The following FANCI variants were observed in gnomAD, a reference collection of about 807,000 sequenced individuals.
FANCI encodes the protein FA complementation group I.
FANCI carries 156 observed loss-of-function variants against 176.1 expected under a neutral mutation model. The ratio of observed to expected loss-of-function variants is 0.89; its 90% confidence interval spans 0.78 to 1.01. FANCI has a LOEUF of 1.01. Ranked by LOEUF, FANCI falls within the 50% of genes least tolerant of loss-of-function variation. The pLI is 0.00. For synonymous variants in FANCI, 613 were observed against 541.7 expected (o/e 1.13, Z -1.83); for missense variants, 1,678 against 1,534.1 (o/e 1.09, Z -1.57).
At chr15:89,297,102 G>A (rs1489435203) in intron 24 of FANCI, among the ~76,000 whole-genome samples, 1 of 143,260 alleles carries the variant, frequency 7.0e-6, no homozygotes, top group Non-Finnish European at 1.5e-5. Flanking sequence ...CGGGCGGAGG[G>A]GCTCCTCACT....
chr15:89,256,962 A>C (rs778564389), intron 2 of FANCI, among the ~76,000 whole-genome samples: 1 of 152,126 alleles, frequency 6.6e-6, no homozygotes, highest in African/African-American at 2.4e-5. Flanking sequence ...GCTAGAGTGC[A>C]GGGGCGTGAG....
intron 22 of FANCI, among the ~76,000 whole-genome samples, chr15:89,293,530 T>C (rs927980649): frequency 6.6e-6 from 1 of 152,102 alleles, no homozygotes; most frequent in African/African-American, 2.4e-5. Flanking sequence ...CTACTAATAA[T>C]GTAAAACTTA....
At chr15:89,275,665 T>C (rs2053382679) in intron 12 of FANCI, among the ~76,000 whole-genome samples, 1 of 152,230 alleles carries the variant, frequency 6.6e-6, no homozygotes. Context: ...AGGTTTATAC[T>C]TGTGTCTCCA....
In FANCI at chr15:89,299,924, C is replaced by T. The variant is rs1303324683; in HGVS notation, c.2761C>T (p.Gln921Ter). Residue 921 changes from glutamine to a stop codon, truncating the protein, a stop_gained, in exon 25 of 38, where the codon CAG becomes TAG. Coordinates refer to ENST00000310775, the MANE Select transcript of FANCI (RefSeq NM_001113378.2). LOFTEE classifies it high-confidence loss of function. ...GLQKIFSAVQ[Q>*]FYQPKIQQFL... ...ACAGAAAATATTCAGTGCTGTGCAA[C>T]AGTTCTATCAGCCCAAGATTCAGCA... 3 of 1,613,956 alleles carry T rather than the reference C, an allele frequency of 1.9e-6. No homozygotes were observed. Among genetic ancestry groups the T allele is most frequent in the Non-Finnish European group, 1.7e-6 (2 of 1,179,992 alleles).
At chr15:89,250,265 T>C (rs907280138) in intron 2 of FANCI, among the ~76,000 whole-genome samples, 2 of 152,110 alleles carry the variant, frequency 1.3e-5, no homozygotes, top group Admixed American at 1.3e-4. Context: ...TGCGGCACTA[T>C]TCACAATAGC....
Position 89,293,953 on chromosome 15 carries a change from T to G in FANCI, c.2412T>G (p.Leu804=). Residue 804 remains leucine (L), a synonymous_variant, in exon 23 of 38, where the codon CTT becomes CTG. Transcript: ENST00000310775. ...TKMANKTSDS[L]LSMKFVSSLL... ...TGGCCAACAAGACAAGTGATAGTCTTTTGTCCATGAAATTTGTGTCCAGTC... is the reference window on the plus strand; with the variant it reads ...TGGCCAACAAGACAAGTGATAGTCTGTTGTCCATGAAATTTGTGTCCAGTC... The G allele has an allele frequency of 6.2e-7, 1 of 1,614,132 alleles. No individual in the cohort carries two copies. Among genetic ancestry groups the G allele is most frequent in the Non-Finnish European group, 8.5e-7 (1 of 1,180,010 alleles).
intron 31 of FANCI, 55 bp downstream of exon 31, chr15:89,305,753 A>T: frequency 1.9e-6 from 3 of 1,555,734 alleles, no homozygotes; most frequent in Non-Finnish European, 1.8e-6. Flanking sequence ...GTCAAAATTC[A>T]TATTGGGTCG....
intron 10 of FANCI, among the ~76,000 whole-genome samples, chr15:89,272,955 C>A (rs1267427323): frequency 6.6e-6 from 1 of 152,084 alleles, no homozygotes; most frequent in Non-Finnish European, 1.5e-5. Context: ...GCATAAGCCA[C>A]CACACCCGGC....
intron 23 of FANCI, among the ~76,000 whole-genome samples, 188 bp downstream of exon 23, chr15:89,294,185 G>A (rs2054168520): frequency 6.6e-6 from 1 of 152,164 alleles, no homozygotes; most frequent in Non-Finnish European, 1.5e-5. Flanking sequence ...ATTATTAAAG[G>A]ACAAATGAGA....
rs5814364 is a variant in FANCI, at chr15:89,304,777, C to CT, written c.3059-322dup. ...GGGACCTGACTGGGTTATAACTTAA[C>CT]TTTTTTTTTTTTTTTTGAGACAGAG... On this transcript the variant is annotated intron_variant, in intron 28 of 37. Coordinates refer to ENST00000310775, the MANE Select transcript of FANCI (RefSeq NM_001113378.2). Among the ~76,000 whole-genome samples the CT allele has an allele frequency of 0.012, 1,794 of 143,764 alleles. 32 individuals are homozygous for CT. Among genetic ancestry groups the CT allele is most frequent in the African/African-American group, 0.035 (1,355 of 38,914 alleles). 94.3% of individuals were successfully genotyped at this position (143,764 alleles called of 152,430 possible). A position where few individuals can be genotyped will look rare whatever the true frequency, so the allele number is the denominator to read the frequency against.
At chr15:89,313,564 G>A (rs764980867) in intron 35 of FANCI, among the ~76,000 whole-genome samples, 1 of 152,186 alleles carries the variant, frequency 6.6e-6, no homozygotes, top group Non-Finnish European at 1.5e-5. Flanking sequence ...GTCAGCGGGG[G>A]TACAGGAAAG....
chr15:89,283,778 G>A (rs1295724605), intron 17 of FANCI, among the ~76,000 whole-genome samples: 2 of 148,208 alleles, frequency 1.3e-5, no homozygotes, highest in East Asian at 2.0e-4. Context: ...TTTTTGAGAC[G>A]GAGTCAGTCT....
Position 89,291,643 on chromosome 15 carries a change from C to A in FANCI, c.1921C>A (p.Leu641Met), listed in dbSNP as rs1171055536. The A allele has an allele frequency of 6.2e-7, 1 of 1,613,680 alleles. No individual in the cohort carries two copies. The highest frequency in any genetic ancestry group is 8.5e-7 in the Non-Finnish European group (1 of 1,179,832). The change falls in exon 20 of 38, where the codon CTG becomes ATG. Residue 641 changes from leucine to methionine, a missense_variant. Leu to Met is a conservative substitution (Grantham distance 15, BLOSUM62 2). Coordinates refer to ENST00000310775, the MANE Select transcript of FANCI (RefSeq NM_001113378.2). ...LKQFYEPKPD[L>M]LPPLKLEACI... The stretch of plus-strand genomic sequence containing the variant: ...ACAGTTCTATGAGCCAAAACCTGAT[C>A]TGCTGCCTCCTCTGAAATTAGAAGC...
chr15:89,246,694 C>T (rs954310400), intron 1 of FANCI, among the ~76,000 whole-genome samples: 4 of 151,174 alleles, frequency 2.6e-5, no homozygotes, highest in African/African-American at 9.7e-5. Flanking sequence ...GAAACCTTGA[C>T]ATTTAAGAAC....
chr15:89,247,967 A>G (rs2052064264), intron 2 of FANCI, among the ~76,000 whole-genome samples: 1 of 152,236 alleles, frequency 6.6e-6, no homozygotes, highest in African/African-American at 2.4e-5. Context: ...TAGTTTAAGA[A>G]TAGAATGCTT....
At chr15:89,273,332 AAG>A (rs1239336906) in intron 10 of FANCI, 43 bp from the exon 11 acceptor site, 2 of 981,382 alleles carry the variant, frequency 2.0e-6, no homozygotes, top group African/African-American at 1.7e-5. Context: ...AAAAAGAAAA[AAG>A]AAAATGTAAG....
chr15:89,265,503 G>T (rs1241326359), intron 9 of FANCI, among the ~76,000 whole-genome samples: 2 of 152,102 alleles, frequency 1.3e-5, no homozygotes, highest in East Asian at 1.9e-4. Context: ...CACTGTGCCT[G>T]GCCAAGGATT....
In FANCI at chr15:89,263,912, T is replaced by C; in HGVS notation, c.555T>C (p.Pro185=). ...IQLTSMFKDV[P]LTAEEVEFVV... ...AATCTTTGATCCACAGGGATGTCCC[T>C]CTGACTGCAGAAGAGGTGGAATTTG... Residue 185 remains proline (P), a synonymous_variant, in exon 8 of 38, where the codon CCT becomes CCC. Transcript: ENST00000310775. 6 of 1,614,108 alleles carry C rather than the reference T, an allele frequency of 3.7e-6. No individual in the cohort carries two copies. Among genetic ancestry groups the C allele is most frequent in the Non-Finnish European group, 5.1e-6 (6 of 1,179,952 alleles).
chr15:89,259,248 A>G (rs1176757918), intron 3 of FANCI: 1 of 163,648 alleles, frequency 6.1e-6, no homozygotes, highest in Admixed American at 5.7e-5. Flanking sequence ...TGTGATTTAT[A>G]GTGGTTTTAT....
Sources: allele counts gnomAD v4.1 joint callset (sites outside exome capture counted in the v4.1 genomes callset), GRCh38; gene constraint gnomAD v4.1.1; transcripts MANE v1.5; gene names NCBI Gene and HGNC (gene_info 2026-07-23, HGNC 2026-07-21).